The following KCNK18 variants were observed in gnomAD, a reference collection of about 807,000 sequenced individuals.
KCNK18 encodes potassium two pore domain channel subfamily K member 18, also known as potassium channel subfamily K member 18.
Under a neutral mutation model 11.8 loss-of-function variants are expected in KCNK18, and 8 were observed. The ratio of observed to expected loss-of-function variants is 0.68; its 90% CI spans 0.40 to 1.22. The LOEUF (loss-of-function observed/expected upper bound fraction) is 1.22, where lower values mean the gene tolerates loss of function less well. Ranked by LOEUF, KCNK18 falls within the 50% of genes most tolerant of loss-of-function variation. The pLI is 0.01. For missense variants in KCNK18, 442 were observed against 465.4 expected (o/e 0.95, Z 0.46); for synonymous variants, 208 against 185.8 (o/e 1.12, Z -0.97).
intron 2 of KCNK18, among the ~76,000 whole-genome samples, chr10:117,206,432 G>T (rs1022663742): frequency 1.3e-5 from 2 of 152,116 alleles, no homozygotes; most frequent in African/African-American, 2.4e-5. Flanking sequence ...ACACAATCCA[G>T]GATAACTTCC....
intron 2 of KCNK18, among the ~76,000 whole-genome samples, chr10:117,205,157 G>A (rs79018241): frequency 0.018 from 2,668 of 152,242 alleles, 69 homozygotes; most frequent in African/African-American, 0.061. Context: ...CTGTGAGGCC[G>A]GTCAATCCCG....
At chr10:117,200,904 C>A (rs1589965548) in intron 1 of KCNK18, among the ~76,000 whole-genome samples, 2 of 151,988 alleles carry the variant, frequency 1.3e-5, no homozygotes, top group Admixed American at 1.3e-4. Context: ...TCTGGTGGGA[C>A]CCCCATGGGC....
chr10:117,201,087 C>A, intron 1 of KCNK18, 72 bp from the exon 2 acceptor site: 1 of 1,594,254 alleles, frequency 6.3e-7, no homozygotes, highest in African/African-American at 1.3e-5. Context: ...AAGACTATCC[C>A]TTTCACTGGG....
At chr10:117,207,777 G>A (rs1320195880) in intron 2 of KCNK18, among the ~76,000 whole-genome samples, 1 of 152,184 alleles carries the variant, frequency 6.6e-6, no homozygotes, top group Non-Finnish European at 1.5e-5. Context: ...TTTGCCACAG[G>A]GAGCTGCACT....
rs375869222 is a variant in KCNK18 at position 117,209,906 on chromosome 10, C to T, written c.762C>T (p.Pro254=). 2.5e-5 allele frequency: 40 copies of T among 1,614,066 alleles called. No individual in the cohort carries two copies. In the Admixed American group the frequency reaches 3.8e-4, roughly 15 times the overall value. ...PQAMERSNSC[P]ELVLGRLSYS... ...CCATGGAGAGGAGTAACTCGTGTCC[C>T]GAACTGGTGTTGGGAAGACTCTCAT... Residue 254 remains proline, a synonymous_variant, in exon 3 of 3, where the codon CCC becomes CCT. Coordinates refer to ENST00000334549, the MANE Select transcript of KCNK18 (RefSeq NM_181840.1).
In KCNK18 at chr10:117,201,132, C is replaced by T. The variant is rs1306391022; in HGVS notation, c.224-27C>T. The T allele has an allele frequency of 3.1e-6, 5 of 1,613,818 alleles. No homozygotes were observed. In the African/African-American group the frequency reaches 5.3e-5, roughly 17 times the overall value. On this transcript the variant is annotated intron_variant, in intron 1 of 2. Coordinates refer to ENST00000334549, the MANE Select transcript of KCNK18 (RefSeq NM_181840.1). ...GTCTTTACCAGCAGAACCTTTTCCT[C>T]AAACTCTTGGTCATGTCTTTCTCCA...
intron 1 of KCNK18, among the ~76,000 whole-genome samples, chr10:117,200,844 G>A (rs910836822): frequency 2.6e-5 from 4 of 150,966 alleles, no homozygotes; most frequent in African/African-American, 4.9e-5. Flanking sequence ...AAGAAATGGC[G>A]GTTCAGAAAA....
Position 117,197,604 on chromosome 10 carries a change from T to A in KCNK18, c.116T>A (p.Val39Glu), listed in dbSNP as rs376212691. The A allele has an allele frequency of 1.2e-6, 2 of 1,614,216 alleles. No individual in the cohort carries two copies. The highest frequency in any genetic ancestry group is 4.5e-5 in the East Asian group (2 of 44,870). Residue 39 changes from valine to glutamate, a missense_variant, in exon 1 of 3, where the codon GTG becomes GAG. Transcript: ENST00000334549. ...FLVTYALVGA[V>E]VFSAIEDGQV... ...GTGACCTACGCCCTGGTGGGTGCTG[T>A]GGTCTTCTCTGCCATTGAGGACGGC...
intron 1 of KCNK18, 122 bp downstream of exon 1, chr10:117,197,833 C>T (rs914100113): frequency 2.5e-6 from 2 of 806,046 alleles, no homozygotes; most frequent in Non-Finnish European, 4.2e-6. Flanking sequence ...CTCCTCATGC[C>T]TGGGCACTTT....
At chr10:117,198,728 C>G (rs557240292) in intron 1 of KCNK18, among the ~76,000 whole-genome samples, 1 of 152,326 alleles carries the variant, frequency 6.6e-6, no homozygotes, top group South Asian at 2.1e-4. Flanking sequence ...GATTTGGGAA[C>G]AGGTGCAGCT....
Position 117,209,962 on chromosome 10 carries a change from G to C in KCNK18, c.818G>C (p.Gly273Ala), listed in dbSNP as rs1183200298. Residue 273 changes from glycine to alanine, a missense_variant, in exon 3 of 3, where the codon GGA becomes GCA. Coordinates refer to ENST00000334549, the MANE Select transcript of KCNK18 (RefSeq NM_181840.1). ...ATCATCAGCAACCTGGATGAAGTTG[G>C]ACAGCAGGTGGAGAGGTTGGACATC... ...YSIISNLDEV[G>A]QQVERLDIPL... 6.2e-7 allele frequency: 1 copy of C among 1,614,196 alleles called. No individual in the cohort carries two copies. The highest frequency in any genetic ancestry group is 1.7e-5 in the Admixed American group (1 of 60,022).
rs1222068202 is a variant in KCNK18, at chr10:117,210,005, C to A, written c.861C>A (p.Ala287=). The part of the protein sequence containing the change: ...ERLDIPLPII[A]LIVFAYISCA... The stretch of plus-strand genomic sequence containing the variant: ...TGGACATCCCCCTCCCCATCATTGC[C>A]CTTATTGTTTTTGCCTACATTTCCT... The change falls in exon 3 of 3, where the codon GCC becomes GCA. Residue 287 remains alanine (A), a synonymous_variant. Transcript: ENST00000334549. 3.7e-6 allele frequency: 6 copies of A among 1,614,026 alleles called. No homozygotes were observed. In the African/African-American group the frequency reaches 8.0e-5, roughly 22 times the overall value.
chr10:117,207,190 G>A (rs1855087065), intron 2 of KCNK18, among the ~76,000 whole-genome samples: 1 of 152,094 alleles, frequency 6.6e-6, no homozygotes, highest in African/African-American at 2.4e-5. Context: ...CATCACACCT[G>A]GCCAATTTTT....
intron 2 of KCNK18, among the ~76,000 whole-genome samples, chr10:117,207,320 C>T (rs968936874): frequency 6.6e-6 from 1 of 152,132 alleles, no homozygotes; most frequent in African/African-American, 2.4e-5. Context: ...TGAGCCATTG[C>T]GCATGGCTTA....
At chr10:117,198,693 G>C (rs1854979332) in intron 1 of KCNK18, among the ~76,000 whole-genome samples, 1 of 152,188 alleles carries the variant, frequency 6.6e-6, no homozygotes, top group African/African-American at 2.4e-5. Flanking sequence ...TCTGGTGTGG[G>C]GGCTCCTTCC....
rs747483367 is a variant in KCNK18 at position 117,210,045 on chromosome 10, C to A, written c.901C>A (p.Leu301Ile). Reference sequence around the variant, plus strand: ...CTACATTTCCTGTGCAGCTGCCATCCTCCCCTTCTGGGAGACACAGTTGGA... The same window carrying A: ...CTACATTTCCTGTGCAGCTGCCATCATCCCCTTCTGGGAGACACAGTTGGA... Reference protein sequence around the residue: ...FAYISCAAAILPFWETQLDFE... With the variant: ...FAYISCAAAIIPFWETQLDFE... The change falls in exon 3 of 3, where the codon CTC becomes ATC. Residue 301 changes from leucine (L) to isoleucine (I), a missense_variant. Transcript: ENST00000334549. 1.2e-6 allele frequency: 2 copies of A among 1,614,228 alleles called. No homozygotes were observed. The highest frequency in any genetic ancestry group is 1.7e-6 in the Non-Finnish European group (2 of 1,180,034).
intron 1 of KCNK18, among the ~76,000 whole-genome samples, chr10:117,198,687 G>T (rs1260002577): frequency 6.6e-6 from 1 of 152,212 alleles, no homozygotes; most frequent in African/African-American, 2.4e-5. Flanking sequence ...TCCCACTCTG[G>T]TGTGGGGGCT....
rs761418958 is a variant in KCNK18 at position 117,209,514 on chromosome 10, C to T, written c.370C>T (p.Pro124Ser). 1.2e-6 allele frequency: 2 copies of T among 1,614,082 alleles called. No homozygotes were observed. The highest frequency in any genetic ancestry group is 1.7e-6 in the Non-Finnish European group (2 of 1,179,964). ...FSTVGYGYIY[P>S]VTRLGKYLCM... ...TTTTTCAGGCTATGGCTACATCTAC[C>T]CCGTCACCAGGCTTGGCAAGTACTT... The change falls in exon 3 of 3, where the codon CCC (proline) becomes TCC (serine). Residue 124 changes from proline (P) to serine (S), a missense_variant. By Grantham distance (74) the Pro-to-Ser change is moderately conservative (BLOSUM62 -1). Coordinates refer to ENST00000334549, the MANE Select transcript of KCNK18 (RefSeq NM_181840.1).
intron 2 of KCNK18, among the ~76,000 whole-genome samples, chr10:117,203,702 A>G (rs1855043036): frequency 1.3e-5 from 2 of 152,134 alleles, no homozygotes; most frequent in African/African-American, 2.4e-5. Context: ...ATGCATGGCT[A>G]ATTTTTGTAG....
Sources: allele counts gnomAD v4.1 joint callset (sites outside exome capture counted in the v4.1 genomes callset), GRCh38; gene constraint gnomAD v4.1.1; transcripts MANE v1.5; gene names NCBI Gene and HGNC (gene_info 2026-07-23, HGNC 2026-07-21).